ABCG2: variants seen among roughly 807,000 people sequenced by gnomAD.
ABCG2 encodes broad substrate specificity ATP-binding cassette transporter ABCG2.
A neutral mutation model predicts 73.5 loss-of-function variants in ABCG2; 80 were observed. The observed-to-expected ratio is 1.09, with a 90% confidence interval of 0.91 to 1.31. The LOEUF (loss-of-function observed/expected upper bound fraction) is 1.31, where lower values mean the gene tolerates loss of function less well. Ranked by LOEUF, ABCG2 falls within the 50% of genes most tolerant of loss-of-function variation. The pLI is 0.00. For synonymous variants in ABCG2, 269 were observed against 282.4 expected (o/e 0.95, Z 0.48); for missense variants, 796 against 786.2 (o/e 1.01, Z -0.15).
chr4:88,219,943 C>T (rs1169170120), intron 1 of ABCG2, among the ~76,000 whole-genome samples: 2 of 151,494 alleles, frequency 1.3e-5, no homozygotes, highest in African/African-American at 2.4e-5. Flanking sequence ...TACCATCCAT[C>T]TCTAGAACTT....
intron 1 of ABCG2, among the ~76,000 whole-genome samples, chr4:88,216,684 T>C (rs1489635038): frequency 6.6e-6 from 1 of 152,166 alleles, no homozygotes; most frequent in Non-Finnish European, 1.5e-5. Flanking sequence ...TTTCCCAACA[T>C]GAAAGGAACA....
At chr4:88,153,691 G>A (rs891904798) in intron 1 of ABCG2, among the ~76,000 whole-genome samples, 10 of 152,188 alleles carry the variant, frequency 6.6e-5, no homozygotes, top group Middle Eastern at 3.4e-3. Flanking sequence ...AGATATGACC[G>A]TCGTGGCCTT....
intron 10 of ABCG2, among the ~76,000 whole-genome samples, chr4:88,104,283 T>A (rs1456062273): frequency 6.6e-6 from 1 of 152,162 alleles, no homozygotes; most frequent in Non-Finnish European, 1.5e-5. Context: ...AGAGAATTCA[T>A]CCCCAAAGAA....
At chr4:88,167,259 C>A (rs180748884) in intron 1 of ABCG2, among the ~76,000 whole-genome samples, 173 of 152,062 alleles carry the variant, frequency 1.1e-3, no homozygotes, top group Non-Finnish European at 1.2e-3. Flanking sequence ...GAATGTCAAC[C>A]AGGGGCACCC....
In ABCG2 at chr4:88,114,562, G is replaced by A. The variant is rs529936264; in HGVS notation, c.943+395C>T. Reference sequence around the variant, plus strand: ...GAGTGGCTTGAACCTGGGAGGCGGAGGGGTCAGTGAGCCGAAATAGCACCA... The same window carrying A: ...GAGTGGCTTGAACCTGGGAGGCGGAAGGGTCAGTGAGCCGAAATAGCACCA... On this transcript the variant is annotated intron_variant, in intron 8 of 15. Transcript: ENST00000237612. Among the ~76,000 whole-genome samples, 4 of 151,772 alleles carry A rather than the reference G, an allele frequency of 2.6e-5. No homozygotes were observed. The South Asian group carries it at 8.4e-4, about 32-fold the overall frequency.
At chr4:88,175,398 T>C (rs1415667509) in intron 1 of ABCG2, among the ~76,000 whole-genome samples, 1 of 152,212 alleles carries the variant, frequency 6.6e-6, no homozygotes, top group Non-Finnish European at 1.5e-5. Flanking sequence ...GTTACAAATG[T>C]GTAGTAGGCT....
intron 1 of ABCG2, among the ~76,000 whole-genome samples, chr4:88,155,536 C>T (rs1726878206): frequency 6.6e-6 from 1 of 152,182 alleles, no homozygotes; most frequent in South Asian, 2.1e-4. Flanking sequence ...AGCTTGGGCT[C>T]AGAGGCCTGA....
intron 1 of ABCG2, among the ~76,000 whole-genome samples, chr4:88,188,578 G>T (rs1195591628): frequency 6.6e-6 from 1 of 152,120 alleles, no homozygotes; most frequent in Admixed American, 6.5e-5. Context: ...TTTTCAAGAT[G>T]ATTTTGGCTA....
At chr4:88,119,730 A>G (rs1007004638) in intron 6 of ABCG2, among the ~76,000 whole-genome samples, 2 of 152,358 alleles carry the variant, frequency 1.3e-5, no homozygotes, top group South Asian at 4.1e-4. Flanking sequence ...GCAACAAAGC[A>G]TTCAAGAGGT....
intron 1 of ABCG2, among the ~76,000 whole-genome samples, chr4:88,203,511 C>T (rs1269334333): frequency 6.6e-6 from 1 of 152,114 alleles, no homozygotes; most frequent in Non-Finnish European, 1.5e-5. Context: ...TGGCTCATGC[C>T]TTTAATCCCC....
intron 1 of ABCG2, among the ~76,000 whole-genome samples, chr4:88,176,159 T>G (rs1379436404): frequency 6.6e-6 from 1 of 151,606 alleles, no homozygotes; most frequent in East Asian, 1.9e-4. Flanking sequence ...TTATTCTTGT[T>G]TTTTTTTTCT....
intron 13 of ABCG2, among the ~76,000 whole-genome samples, chr4:88,097,002 G>C (rs1722027019): frequency 6.6e-6 from 1 of 152,008 alleles, no homozygotes; most frequent in Non-Finnish European, 1.5e-5. Context: ...CAAGCTAGCA[G>C]TTCAATGCTG....
intron 1 of ABCG2, among the ~76,000 whole-genome samples, chr4:88,228,448 C>T (rs1281706621): frequency 6.6e-6 from 1 of 152,242 alleles, no homozygotes; most frequent in African/African-American, 2.4e-5. Flanking sequence ...CTCAGCCCCA[C>T]ACATGCTTAC....
intron 1 of ABCG2, among the ~76,000 whole-genome samples, chr4:88,203,888 T>TA (rs2110116977): frequency 6.6e-6 from 1 of 150,430 alleles, no homozygotes; most frequent in African/African-American, 2.4e-5. Flanking sequence ...ATTTTTTTTT[T>TA]ACAGATTACC....
intron 5 of ABCG2, among the ~76,000 whole-genome samples, chr4:88,126,610 A>C (rs1337499085): frequency 6.6e-6 from 1 of 152,218 alleles, no homozygotes; most frequent in Non-Finnish European, 1.5e-5. Context: ...CTGGGATGCA[A>C]GGCTGCTTCA....
intron 1 of ABCG2, among the ~76,000 whole-genome samples, chr4:88,155,729 A>G (rs1269247803): frequency 6.6e-6 from 1 of 151,096 alleles, no homozygotes; most frequent in East Asian, 2.0e-4. Context: ...ACATGGCAAA[A>G]CCTCGTCTTT....
chr4:88,117,538 G>A (rs1430666819), intron 7 of ABCG2, among the ~76,000 whole-genome samples: 2 of 152,140 alleles, frequency 1.3e-5, no homozygotes, highest in East Asian at 3.9e-4. Flanking sequence ...TCAGGAGGCT[G>A]AGGCAGGAGA....
chr4:88,216,796 G>A (rs548600761), intron 1 of ABCG2, among the ~76,000 whole-genome samples: 5 of 152,262 alleles, frequency 3.3e-5, no homozygotes, highest in African/African-American at 4.8e-5. Flanking sequence ...TTGGGAGGCC[G>A]AGGAGGGCAG....
chr4:88,123,478 T>C (rs946748278), intron 5 of ABCG2, among the ~76,000 whole-genome samples: 1 of 152,040 alleles, frequency 6.6e-6, no homozygotes, highest in Non-Finnish European at 1.5e-5. Flanking sequence ...AATGACCTGA[T>C]GAAGCTGAAA....
Sources: allele counts gnomAD v4.1 joint callset (sites outside exome capture counted in the v4.1 genomes callset), GRCh38; gene constraint gnomAD v4.1.1; transcripts MANE v1.5; gene names NCBI Gene and HGNC (gene_info 2026-07-23, HGNC 2026-07-21).